Variants in TBC1D30 observed in about 807,000 individuals in gnomAD.
The protein encoded by TBC1D30 is TBC1 domain family member 30.
In TBC1D30, 31 loss-of-function variants were observed where a neutral mutation model predicts 63.2. That is an observed-to-expected ratio of 0.49 (90% CI 0.37 to 0.66). TBC1D30 has a LOEUF of 0.66. TBC1D30 is among the 30% of genes least tolerant of loss of function. TBC1D30 has a pLI of 0.00. For synonymous variants in TBC1D30, 307 were observed against 361.5 expected, an observed-to-expected ratio of 0.85 and a Z score of 1.71; for missense variants, 810 against 953.6, an observed-to-expected ratio of 0.85 and a Z score of 1.98.
intron 2 of TBC1D30, among the ~76,000 whole-genome samples, chr12:64,811,521 G>C (rs924780756): frequency 2.0e-5 from 3 of 152,212 alleles, no homozygotes; most frequent in South Asian, 4.1e-4. Context: ...CAGGGGCTCA[G>C]ATTTCTCCCG....
At chr12:64,866,016 C>T (rs181177064) in intron 9 of TBC1D30, among the ~76,000 whole-genome samples, 95 of 152,172 alleles carry the variant, frequency 6.2e-4, no homozygotes, top group Non-Finnish European at 1.1e-3. Context: ...ACCACAGGCA[C>T]GTACCACCGT....
rs1483689639 is a variant in TBC1D30, at chr12:64,876,516, C to T, written c.*728C>T. The T allele has an allele frequency of 3.7e-5, 11 of 294,614 alleles. No homozygotes were observed. Among genetic ancestry groups the T allele is most frequent in the East Asian group, 7.9e-5 (1 of 12,662 alleles). The allele number at this position is 294,614 out of a possible 1,614,324, so 18.2% of individuals were successfully genotyped here. A position where few individuals can be genotyped will look rare whatever the true frequency, so the allele number is the denominator to read the frequency against. ...GCAGTTGCTCCGGACAGCTTGCTCG[C>T]GCCACTGAGCTTTTCCTGAGGTTTG... On this transcript the variant is annotated 3_prime_UTR_variant, in exon 12 of 12. Coordinates refer to ENST00000539867, the MANE Select transcript of TBC1D30 (RefSeq NM_015279.2).
chr12:64,827,876 G>A lies in TBC1D30; in HGVS notation c.196G>A (p.Gly66Ser). 6.5e-7 allele frequency: 1 copy of A among 1,534,578 alleles called. No homozygotes were observed. The highest frequency in any genetic ancestry group is 8.7e-7 in the Non-Finnish European group (1 of 1,146,216). ...KLKFTLEPSL[G>S]QNGFQQWYDA... The stretch of plus-strand genomic sequence containing the variant: ...GAAATTCACTCTTGAGCCATCTTTA[G>A]GTCAAAATGGTTTTCAGCAGGTAAC... Residue 66 changes from glycine to serine, a missense_variant, in exon 2 of 12, where the codon GGT (glycine) becomes AGT (serine). Gly to Ser is a moderately conservative substitution (Grantham distance 56). Coordinates refer to ENST00000539867, the MANE Select transcript of TBC1D30 (RefSeq NM_015279.2).
At chr12:64,805,425 G>A (rs1424918531) in intron 2 of TBC1D30, among the ~76,000 whole-genome samples, 1 of 152,200 alleles carries the variant, frequency 6.6e-6, no homozygotes, top group Non-Finnish European at 1.5e-5. Flanking sequence ...GTATTGGGCT[G>A]TGGGTTCTGG....
intron 2 of TBC1D30, among the ~76,000 whole-genome samples, chr12:64,799,163 G>T (rs775632213): frequency 1.3e-5 from 2 of 151,992 alleles, no homozygotes; most frequent in Non-Finnish European, 2.9e-5. Flanking sequence ...CTGGAGAGCT[G>T]ATGGGATGGG....
intron 2 of TBC1D30, among the ~76,000 whole-genome samples, chr12:64,801,302 G>A (rs1872571462): frequency 6.6e-6 from 1 of 152,132 alleles, no homozygotes; most frequent in Admixed American, 6.5e-5. Context: ...TAAGTTAAGA[G>A]GTTGGATCAA....
intron 2 of TBC1D30, among the ~76,000 whole-genome samples, chr12:64,806,397 G>A (rs1018326029): frequency 6.6e-6 from 1 of 152,236 alleles, no homozygotes; most frequent in East Asian, 1.9e-4. Flanking sequence ...ATCCTTCGGG[G>A]ATCATCTAGT....
At chr12:64,840,027 A>AAAC (rs1555171793) in intron 7 of TBC1D30, among the ~76,000 whole-genome samples, 9 of 145,898 alleles carry the variant, frequency 6.2e-5, no homozygotes, top group African/African-American at 2.1e-4. Flanking sequence ...AAAAAAAAAA[A>AAAC]ATCCACCAAC....
intron 2 of TBC1D30, among the ~76,000 whole-genome samples, chr12:64,789,178 C>T (rs1162673484): frequency 2.3e-5 from 3 of 128,206 alleles, no homozygotes; most frequent in Admixed American, 7.5e-5. Context: ...CTTCCTTCTT[C>T]TTCTTCTTTT....
At position 64,829,215 on chromosome 12, in the gene TBC1D30, A is replaced by G. The variant is rs915959614; in HGVS notation, c.282+706A>G. Among the ~76,000 whole-genome samples the G allele has an allele frequency of 9.9e-5, 15 of 152,090 alleles. 1 individual carries two copies. The highest frequency in any genetic ancestry group is 4.1e-4 in the South Asian group (2 of 4,828). ...GGAGTGACATGATCTGACTTTTATT[A>G]TGAACGGGCTACTCTGGGTACTGAC... On this transcript the variant is annotated intron_variant, in intron 3 of 11. Transcript: ENST00000539867.
At chr12:64,833,977 A>G (rs1264214715) in intron 5 of TBC1D30, among the ~76,000 whole-genome samples, 3 of 152,156 alleles carry the variant, frequency 2.0e-5, no homozygotes, top group Non-Finnish European at 4.4e-5. Context: ...TCAGGGAAGG[A>G]AATGTACATG....
chr12:64,782,409 A>G (rs1871343241), intron 1 of TBC1D30, among the ~76,000 whole-genome samples: 1 of 147,802 alleles, frequency 6.8e-6, no homozygotes, highest in Non-Finnish European at 1.5e-5. Flanking sequence ...TTTTTTCCCC[A>G]GCTGATTGTT....
At chr12:64,815,273 T>A (rs1873453135) in intron 2 of TBC1D30, among the ~76,000 whole-genome samples, 1 of 152,254 alleles carries the variant, frequency 6.6e-6, no homozygotes, top group Non-Finnish European at 1.5e-5. Flanking sequence ...GGAGTTAACC[T>A]GCTTAGTATG....
Position 64,838,720 on chromosome 12 carries a change from G to T in TBC1D30, c.801G>T (p.Met267Ile). 1 of 1,536,588 alleles carries T rather than the reference G, an allele frequency of 6.5e-7. No homozygotes were observed. The highest frequency in any genetic ancestry group is 8.7e-7 in the Non-Finnish European group (1 of 1,147,022). Residue 267 changes from methionine to isoleucine, a missense_variant, in exon 7 of 12, where the codon ATG becomes ATT. By Grantham distance (10) the Met-to-Ile change is conservative. Coordinates refer to ENST00000539867, the MANE Select transcript of TBC1D30 (RefSeq NM_015279.2). Reference sequence around the variant, plus strand: ...CCCCACTTACAAATGTCTTCACGATGCAGTGGTTTCTGACTCTCTTTGCCA... The same window carrying T: ...CCCCACTTACAAATGTCTTCACGATTCAGTGGTTTCTGACTCTCTTTGCCA... ...YEPPLTNVFT[M>I]QWFLTLFATC... is the part of the protein sequence containing the mutation.
At chr12:64,774,447 G>C (rs138402046) in intron 1 of TBC1D30, among the ~76,000 whole-genome samples, 1 of 152,092 alleles carries the variant, frequency 6.6e-6, no homozygotes, top group Non-Finnish European at 1.5e-5. Context: ...GAGAACCCCA[G>C]TAAGATACTC....
At chr12:64,827,622 A>G (rs1285791763) in intron 1 of TBC1D30, among the ~76,000 whole-genome samples, 2 of 152,168 alleles carry the variant, frequency 1.3e-5, no homozygotes, top group African/African-American at 2.4e-5. Context: ...AACCACCGTC[A>G]TATGTAGTAA....
chr12:64,818,290 T>A (rs1469407437), intron 2 of TBC1D30, among the ~76,000 whole-genome samples: 1 of 152,330 alleles, frequency 6.6e-6, no homozygotes, highest in East Asian at 1.9e-4. Context: ...AGTAGCTCAA[T>A]GAAATGGAGC....
chr12:64,849,831 G>A (rs772740040), intron 8 of TBC1D30, among the ~76,000 whole-genome samples: 1 of 152,066 alleles, frequency 6.6e-6, no homozygotes, highest in Non-Finnish European at 1.5e-5. Flanking sequence ...TAACTTGATG[G>A]GGATAGCATT....
chr12:64,781,106 G>A, exon 1 of TBC1D30: 6 of 1,004,478 alleles, frequency 6.0e-6, no homozygotes, highest in Non-Finnish European at 7.1e-6. Context: ...GGAGGCGGCG[G>A]GCGGGGGCCG....
Sources: allele counts gnomAD v4.1 joint callset (sites outside exome capture counted in the v4.1 genomes callset), GRCh38; gene constraint gnomAD v4.1.1; transcripts MANE v1.5; gene names NCBI Gene and HGNC (gene_info 2026-07-23, HGNC 2026-07-21).